SLC30A8: variants seen among roughly 807,000 people sequenced by gnomAD.
SLC30A8 encodes the protein solute carrier family 30 member 8.
In SLC30A8, 27 loss-of-function variants were observed where a neutral mutation model predicts 36.9. The ratio of observed to expected loss-of-function variants is 0.73; its 90% CI spans 0.54 to 1.01. The LOEUF is 1.01. Ranked by LOEUF, SLC30A8 falls within the 50% of genes least tolerant of loss-of-function variation. The pLI, the probability that SLC30A8 is intolerant of heterozygous loss-of-function variation, is 0.00. For synonymous variants in SLC30A8, 164 were observed against 172.4 expected, an observed-to-expected ratio of 0.95 and a Z score of 0.38; for missense variants, 439 against 452.0, an observed-to-expected ratio of 0.97 and a Z score of 0.26.
At position 117,172,617 on chromosome 8, in the gene SLC30A8, T is replaced by A. The variant is rs780551100; in HGVS notation, c.1046T>A (p.Ile349Asn). 1 of 1,613,750 alleles carries A rather than the reference T, an allele frequency of 6.2e-7. No individual in the cohort carries two copies. Among genetic ancestry groups the A allele is most frequent in the East Asian group, 2.2e-5 (1 of 44,866 alleles). The change falls in exon 8 of 8, where the codon ATT (isoleucine) becomes AAT (asparagine). Residue 349 changes from isoleucine to asparagine, a missense_variant. Ile to Asn is a moderately radical substitution (Grantham distance 149). Transcript: ENST00000456015. ...AGCTTTACGATGCACTCACTCACCA[T>A]TCAGATGGAATCTCCAGTTGACCAG... is the stretch of plus-strand genomic sequence containing the variant. ...SKSFTMHSLTIQMESPVDQDP... is the reference protein window; with the variant it reads ...SKSFTMHSLTNQMESPVDQDP...
intron 2 of SLC30A8, chr8:117,055,969 G>C (rs573079927): frequency 6.6e-5 from 10 of 152,064 alleles, no homozygotes; most frequent in Non-Finnish European, 1.5e-4. Flanking sequence ...GCCCATAAAT[G>C]GTGATAATCT....
intron 2 of SLC30A8, among the ~76,000 whole-genome samples, chr8:117,151,156 A>AC (rs1489610421): frequency 6.6e-6 from 1 of 151,376 alleles, no homozygotes; most frequent in Non-Finnish European, 1.5e-5. Context: ...CTTCCTGAAA[A>AC]CCCCTTCTCT....
chr8:117,136,562 A>G (rs979092536), intron 1 of SLC30A8, among the ~76,000 whole-genome samples: 7 of 152,060 alleles, frequency 4.6e-5, no homozygotes, highest in Non-Finnish European at 1.0e-4. Context: ...AAGGATATTT[A>G]TAACTTGGCT....
At position 117,175,916 on chromosome 8, in the gene SLC30A8, TCTGA is replaced by T. The variant is rs1319356151; in HGVS notation, c.*3239_*3242del. ...ATTAATTAAAATAGTCGAATCCCTT[TCTGA>T]CTGTCTCTGAAAGCTTCCGCTTTTA... On this transcript the variant is annotated 3_prime_UTR_variant, in exon 8 of 8. Transcript: ENST00000456015. 1.3e-5 allele frequency: 2 copies of T among 152,086 alleles called. No individual in the cohort carries two copies. The highest frequency in any genetic ancestry group is 2.9e-5 in the Non-Finnish European group (2 of 68,004). 9.4% of individuals were successfully genotyped at this position (152,086 alleles called of 1,614,324 possible).
At chr8:116,973,201 A>G (rs1403808208) in intron 1 of SLC30A8, among the ~76,000 whole-genome samples, 1 of 152,210 alleles carries the variant, frequency 6.6e-6, no homozygotes, top group Non-Finnish European at 1.5e-5. Context: ...CCAGAACAGT[A>G]GGAAATAAAT....
At chr8:117,159,347 T>C (rs1822661835) in intron 4 of SLC30A8, among the ~76,000 whole-genome samples, 1 of 152,058 alleles carries the variant, frequency 6.6e-6, no homozygotes, top group Admixed American at 6.5e-5. Flanking sequence ...GATCGAAAAA[T>C]GAAGTTTTAA....
intron 2 of SLC30A8, among the ~76,000 whole-genome samples, chr8:117,077,168 G>T (rs1368540647): frequency 6.6e-6 from 1 of 152,162 alleles, no homozygotes; most frequent in Non-Finnish European, 1.5e-5. Flanking sequence ...ACCTAGGTGA[G>T]TATGGGCCAC....
intron 2 of SLC30A8, among the ~76,000 whole-genome samples, chr8:117,058,551 T>G (rs112306376): frequency 0.016 from 2,499 of 152,278 alleles, 83 homozygotes; most frequent in African/African-American, 0.057. Context: ...TAACCTTGGA[T>G]GCTCACATTT....
intron 1 of SLC30A8, among the ~76,000 whole-genome samples, chr8:117,004,013 A>G (rs1016742705): frequency 6.6e-6 from 1 of 152,224 alleles, no homozygotes; most frequent in Non-Finnish European, 1.5e-5. Flanking sequence ...AGGAACAACT[A>G]TAAACCTTTA....
Position 117,174,121 on chromosome 8 carries a change from A to C in SLC30A8, c.*1440A>C, listed in dbSNP as rs1449727068. 1 of 152,176 alleles carries C rather than the reference A, an allele frequency of 6.6e-6. No homozygotes were observed. The highest frequency in any genetic ancestry group is 1.5e-5 in the Non-Finnish European group (1 of 68,026). 9.4% of individuals were successfully genotyped at this position (152,176 alleles called of 1,614,324 possible). Reference sequence around the variant, plus strand: ...TCCACGCTGTGATTTTTAAAACTACATACTTTTTGCAACTTTATGGTTATG... The same window carrying C: ...TCCACGCTGTGATTTTTAAAACTACCTACTTTTTGCAACTTTATGGTTATG... On this transcript the variant is annotated 3_prime_UTR_variant, in exon 8 of 8. Transcript: ENST00000456015.
chr8:116,979,411 T>C (rs7845215), intron 1 of SLC30A8, among the ~76,000 whole-genome samples: 4,901 of 152,256 alleles, frequency 0.032, 249 homozygotes, highest in African/African-American at 0.11. Flanking sequence ...TCTTGGGGAA[T>C]CCAGAAATGG....
At chr8:117,022,209 A>G (rs2130724985) in intron 1 of SLC30A8, among the ~76,000 whole-genome samples, 1 of 152,212 alleles carries the variant, frequency 6.6e-6, no homozygotes, top group East Asian at 1.9e-4. Flanking sequence ...CAAAAAAAAA[A>G]AAAGAAAACA....
Position 117,013,157 on chromosome 8 carries a change from A to G in SLC30A8, c.-265-26062A>G, listed in dbSNP as rs181903087. Among the ~76,000 whole-genome samples the G allele has an allele frequency of 1.6e-3, 241 of 152,280 alleles. 1 individual carries two copies. The highest frequency in any genetic ancestry group is 5.4e-3 in the African/African-American group (225 of 41,566). ...AAATGGATTTGTATTCCTTCAGCTC[A>G]AGGGTAGAAATGTCAAGAAATTTGG... On this transcript the variant is annotated intron_variant, in intron 1 of 10. Coordinates refer to the SLC30A8 transcript ENST00000427715.
chr8:116,988,324 A>G (rs145202589), intron 1 of SLC30A8, among the ~76,000 whole-genome samples: 62 of 152,330 alleles, frequency 4.1e-4, no homozygotes, highest in African/African-American at 1.3e-3. Flanking sequence ...TGCATAGTCA[A>G]CTGATACCGT....
intron 2 of SLC30A8, among the ~76,000 whole-genome samples, chr8:117,083,792 CT>C (rs984901440): frequency 5.3e-5 from 8 of 152,092 alleles, no homozygotes; most frequent in African/African-American, 1.7e-4. Flanking sequence ...AGCAATAAGC[CT>C]TTATTGTACC....
intron 2 of SLC30A8, among the ~76,000 whole-genome samples, chr8:117,054,636 A>G (rs1817812815): frequency 1.7e-5 from 2 of 120,700 alleles, no homozygotes; most frequent in African/African-American, 3.2e-5. Flanking sequence ...CCTCCCTTAC[A>G]TGGTGAGATT....
At chr8:117,084,335 C>A (rs772692117) in intron 2 of SLC30A8, among the ~76,000 whole-genome samples, 28 of 152,110 alleles carry the variant, frequency 1.8e-4, no homozygotes, top group Non-Finnish European at 3.7e-4. Flanking sequence ...CCATGTTCCC[C>A]AAGTTTTGTA....
chr8:116,952,743 C>A (rs943126894), intron 1 of SLC30A8, among the ~76,000 whole-genome samples: 1 of 152,190 alleles, frequency 6.6e-6, no homozygotes, highest in African/African-American at 2.4e-5. Context: ...AGGCATGAGC[C>A]ACCGGGCCTG....
At chr8:117,145,693 ATATTAGGACACCTAAAATTGG>A (rs1821864554) in intron 1 of SLC30A8, among the ~76,000 whole-genome samples, 2 of 152,158 alleles carry the variant, frequency 1.3e-5, no homozygotes, top group Non-Finnish European at 2.9e-5. Flanking sequence ...TCCTGACTCA[ATATTAGGACACCTAAAATTGG>A]TTTTAGGCAT....
Sources: allele counts gnomAD v4.1 joint callset (sites outside exome capture counted in the v4.1 genomes callset), GRCh38; gene constraint gnomAD v4.1.1; transcripts MANE v1.5; gene names NCBI Gene and HGNC (gene_info 2026-07-23, HGNC 2026-07-21).